The following TLN2 variants were observed in gnomAD, a reference collection of about 807,000 sequenced individuals.
The protein encoded by TLN2 is talin-2.
Under a neutral mutation model 294.7 loss-of-function variants are expected in TLN2, and 118 were observed. The observed-to-expected ratio is 0.40, with a 90% CI of 0.34 to 0.47. The LOEUF (loss-of-function observed/expected upper bound fraction) is 0.47. Among genes scored for constraint, TLN2 ranks in the 20% least tolerant of loss-of-function variants. The probability of loss-of-function intolerance (pLI) is 0.84; values close to 1 mark genes in which losing one functional copy is unlikely to be tolerated. For missense variants in TLN2, 3,083 were observed against 3,282.2 expected (o/e 0.94, Z 1.48); for synonymous variants, 1,431 against 1,304.5 (o/e 1.10, Z -2.09).
intron 11 of TLN2, among the ~76,000 whole-genome samples, chr15:62,676,857 C>T (rs533130985): frequency 2.0e-5 from 3 of 152,270 alleles, no homozygotes; most frequent in South Asian, 4.1e-4. Context: ...TCAGGCAGTC[C>T]GCCCACCTTG....
At chr15:62,731,927 A>C (rs926349139) in intron 28 of TLN2, among the ~76,000 whole-genome samples, 1 of 152,248 alleles carries the variant, frequency 6.6e-6, no homozygotes, top group African/African-American at 2.4e-5. Context: ...TTGAAAATAA[A>C]AATTTTAATG....
intron 1 of TLN2, among the ~76,000 whole-genome samples, chr15:62,498,050 G>C (rs1661312): frequency 0.61 from 91,394 of 150,782 alleles, 28,285 homozygotes; most frequent in African/African-American, 0.74. Flanking sequence ...GAGTTCGAGA[G>C]CAGCCTGGGT....
chr15:62,814,890 T>C (rs975355036), intron 52 of TLN2, among the ~76,000 whole-genome samples: 4 of 152,130 alleles, frequency 2.6e-5, no homozygotes, highest in Non-Finnish European at 4.4e-5. Context: ...TGTTTCACAC[T>C]GAGAGTCCTG....
chr15:62,427,917 G>A (rs2034805327), intron 1 of TLN2, among the ~76,000 whole-genome samples: 1 of 152,142 alleles, frequency 6.6e-6, no homozygotes, highest in African/African-American at 2.4e-5. Context: ...CAGATACGTG[G>A]AAGTCATCAA....
At chr15:62,440,466 G>A (rs1020565864) in intron 1 of TLN2, among the ~76,000 whole-genome samples, 3 of 152,154 alleles carry the variant, frequency 2.0e-5, no homozygotes, top group South Asian at 4.1e-4. Context: ...GCTGCAGATC[G>A]GTAAATACAA....
At chr15:62,663,074 C>G (rs534750368) in intron 9 of TLN2, among the ~76,000 whole-genome samples, 7 of 152,112 alleles carry the variant, frequency 4.6e-5, no homozygotes, top group East Asian at 3.9e-4. Flanking sequence ...CTCGGCCTCC[C>G]AAAGTGCTGG....
intron 1 of TLN2, among the ~76,000 whole-genome samples, chr15:62,530,127 G>A (rs1333976735): frequency 6.6e-6 from 1 of 152,108 alleles, no homozygotes; most frequent in Non-Finnish European, 1.5e-5. Flanking sequence ...AGAGGCGCAG[G>A]TTGCAGTGAG....
intron 32 of TLN2, among the ~76,000 whole-genome samples, chr15:62,744,861 T>A (rs2061532514): frequency 6.6e-6 from 1 of 152,182 alleles, no homozygotes; most frequent in Non-Finnish European, 1.5e-5. Flanking sequence ...TATTTTTTAA[T>A]CTCTGTGCCT....
chr15:62,623,808 G>A (rs528417272), intron 3 of TLN2, among the ~76,000 whole-genome samples: 1 of 152,252 alleles, frequency 6.6e-6, no homozygotes, highest in South Asian at 2.1e-4. Context: ...GAATAAGTCC[G>A]GTGAGATAGC....
At chr15:62,708,474 C>A (rs770187510) in intron 20 of TLN2, 28 bp from the exon 21 acceptor site, 11 of 1,605,414 alleles carry the variant, frequency 6.9e-6, no homozygotes, top group Non-Finnish European at 9.4e-6. Flanking sequence ...AACCACAGTG[C>A]CCAAAACCTG....
intron 1 of TLN2, among the ~76,000 whole-genome samples, chr15:62,494,049 T>G (rs1009829807): frequency 6.6e-6 from 1 of 152,146 alleles, no homozygotes; most frequent in African/African-American, 2.4e-5. Flanking sequence ...TCTTTTATTT[T>G]CAAGAAGACA....
At chr15:62,459,542 G>C (rs1405338603) in intron 1 of TLN2, among the ~76,000 whole-genome samples, 1 of 152,166 alleles carries the variant, frequency 6.6e-6, no homozygotes, top group Non-Finnish European at 1.5e-5. Context: ...GTGCATGCCT[G>C]TGTGTATGAG....
chr15:62,731,819 G>C (rs2060744328), intron 28 of TLN2, among the ~76,000 whole-genome samples: 1 of 152,278 alleles, frequency 6.6e-6, no homozygotes, highest in African/African-American at 2.4e-5. Flanking sequence ...ATGTTTTCCA[G>C]AGTTTCTGTG....
At chr15:62,509,849 G>C (rs761408243) in intron 1 of TLN2, among the ~76,000 whole-genome samples, 14 of 152,192 alleles carry the variant, frequency 9.2e-5, no homozygotes. Context: ...CCTGGGCTCC[G>C]TTGAGGTGGA....
At chr15:62,740,796 G>GT in intron 32 of TLN2, 27 bp downstream of exon 32, 1 of 1,613,742 alleles carries the variant, frequency 6.2e-7, no homozygotes, top group Non-Finnish European at 8.5e-7. Flanking sequence ...ATGTGCTTTC[G>GT]TGTGTGGTTA....
chr15:62,721,384 T>A (rs2060138888), intron 25 of TLN2, among the ~76,000 whole-genome samples: 1 of 152,200 alleles, frequency 6.6e-6, no homozygotes, highest in Non-Finnish European at 1.5e-5. Context: ...CTATTTTTGT[T>A]TGGTTTTGCA....
intron 19 of TLN2, among the ~76,000 whole-genome samples, chr15:62,705,377 G>A (rs2058991988): frequency 6.6e-6 from 1 of 152,322 alleles, no homozygotes; most frequent in Admixed American, 6.5e-5. Flanking sequence ...TGTACTGCAT[G>A]TTCCCATAGT....
At chr15:62,424,117 T>C in intron 1 of TLN2, among the ~76,000 whole-genome samples, 1 of 152,166 alleles carries the variant, frequency 6.6e-6, no homozygotes, top group Non-Finnish European at 1.5e-5. Flanking sequence ...GTTTTTTTAT[T>C]TGTAAATATG....
intron 18 of TLN2, 148 bp downstream of exon 18, chr15:62,702,348 G>T: frequency 1.1e-6 from 1 of 924,034 alleles, no homozygotes; most frequent in Non-Finnish European, 1.6e-6. Flanking sequence ...TGTGGAACTG[G>T]GTGCAGAAGC....
Sources: gnomAD v4.1 joint callset for allele counts (sites outside exome capture counted in the v4.1 genomes callset) on GRCh38, gnomAD v4.1.1 for gene constraint, MANE v1.5 for transcripts, NCBI Gene and HGNC (gene_info 2026-07-23, HGNC 2026-07-21) for gene names.